The following ERI1 variants were observed in gnomAD, a reference collection of about 807,000 sequenced individuals.
ERI1 encodes exoribonuclease 1.
Under a neutral mutation model 39.7 loss-of-function variants are expected in ERI1, and 39 were observed. The ratio of observed to expected loss-of-function variants is 0.98; its 90% CI spans 0.76 to 1.28. ERI1 has a LOEUF of 1.28. Ranked by LOEUF, ERI1 falls within the 50% of genes most tolerant of loss-of-function variation. The pLI, the probability that ERI1 is intolerant of heterozygous loss-of-function variation, is 0.00. For synonymous variants in ERI1, 204 were observed against 149.6 expected (o/e 1.36, Z -2.65); for missense variants, 581 against 416.9 (o/e 1.39, Z -3.43).
At chr8:9,069,243 G>C (rs1451895079) in intron 3 of ERI1, among the ~76,000 whole-genome samples, 1 of 152,172 alleles carries the variant, frequency 6.6e-6, no homozygotes, top group African/African-American at 2.4e-5. Flanking sequence ...ATGTCTAGGA[G>C]GATCTTTTCA....
At chr8:9,026,020 G>T (rs938169923) in intron 6 of ERI1, among the ~76,000 whole-genome samples, 1 of 152,086 alleles carries the variant, frequency 6.6e-6, no homozygotes, top group South Asian at 2.1e-4. Flanking sequence ...TGGACAGTCT[G>T]GTTGTTTGGC....
At chr8:9,074,723 C>T (rs1799154535) in intron 3 of ERI1, among the ~76,000 whole-genome samples, 1 of 152,254 alleles carries the variant, frequency 6.6e-6, no homozygotes, top group South Asian at 2.1e-4. Flanking sequence ...GCGTGAGCCA[C>T]TGCGCCCAGC....
chr8:9,097,738 G>C (rs1799923119), intron 3 of ERI1, among the ~76,000 whole-genome samples: 1 of 147,524 alleles, frequency 6.8e-6, no homozygotes, highest in African/African-American at 2.5e-5. Flanking sequence ...AGAAAGAAAA[G>C]AAGAAAGAAG....
chr8:9,035,416 C>G (rs912566049), downstream of ERI1, among the ~76,000 whole-genome samples: 2 of 152,200 alleles, frequency 1.3e-5, no homozygotes, highest in Non-Finnish European at 2.9e-5. Flanking sequence ...GTTCATTAAC[C>G]ATTCTGAAAA....
chr8:9,086,987 C>T (rs1199172611), intron 3 of ERI1, among the ~76,000 whole-genome samples: 1 of 152,004 alleles, frequency 6.6e-6, no homozygotes, highest in Admixed American at 6.6e-5. Context: ...CGGTAGGATT[C>T]TGAGTAACTT....
At chr8:9,016,166 G>A (rs1817258435) in intron 3 of ERI1, among the ~76,000 whole-genome samples, 156 bp from the exon 4 acceptor site, 1 of 152,096 alleles carries the variant, frequency 6.6e-6, no homozygotes, top group East Asian at 1.9e-4. Context: ...AAAATTAAGA[G>A]TGCTTTCGAT....
At chr8:9,094,379 T>C (rs2117486921) in intron 3 of ERI1, among the ~76,000 whole-genome samples, 1 of 152,294 alleles carries the variant, frequency 6.6e-6, no homozygotes, top group South Asian at 2.1e-4. Context: ...AGCATTGATA[T>C]TTGCCTCGCA....
intron 3 of ERI1, among the ~76,000 whole-genome samples, chr8:9,047,509 TAA>T: frequency 7.0e-6 from 1 of 142,988 alleles, no homozygotes; most frequent in South Asian, 2.2e-4. Context: ...ACCCCATCTC[TAA>T]AAAAAAAAAA....
intron 3 of ERI1, among the ~76,000 whole-genome samples, chr8:9,095,136 G>A (rs1341718873): frequency 6.6e-6 from 1 of 152,192 alleles, no homozygotes; most frequent in Non-Finnish European, 1.5e-5. Flanking sequence ...TAAATGAGAT[G>A]CTGCATGAGA....
In ERI1 at chr8:9,025,867, C is replaced by G. The variant is rs76403553; in HGVS notation, c.808-3925C>G. Among the ~76,000 whole-genome samples the G allele has an allele frequency of 8.2e-3, 1,252 of 152,130 alleles. 18 individuals are homozygous for G. Among genetic ancestry groups the G allele is most frequent in the African/African-American group, 0.029 (1,198 of 41,498 alleles). On this transcript the variant is annotated intron_variant, in intron 6 of 6. Coordinates refer to ENST00000250263, the MANE Select transcript of ERI1 (RefSeq NM_153332.4). ...GAGATACCTTAGAGATAGGACCCAACTCTAAATATGAAATTCATTTTTGTT... is the reference window on the plus strand; with the variant it reads ...GAGATACCTTAGAGATAGGACCCAAGTCTAAATATGAAATTCATTTTTGTT...
At chr8:9,038,247 A>T (rs1038548825), downstream of ERI1, among the ~76,000 whole-genome samples, 1 of 152,174 alleles carries the variant, frequency 6.6e-6, no homozygotes, top group Admixed American at 6.5e-5. Flanking sequence ...ACAAGGTTTT[A>T]TTCTAATGTA....
At position 9,017,493 on chromosome 8, in the gene ERI1, G is replaced by A. The variant is rs55745362; in HGVS notation, c.583-804G>A. On this transcript the variant is annotated intron_variant, in intron 4 of 6. Coordinates refer to ENST00000250263, the MANE Select transcript of ERI1 (RefSeq NM_153332.4). The stretch of plus-strand genomic sequence containing the variant: ...TATATATCTTTATGTGTATATAGAC[G>A]TATGTCTGTGCAGTGGTCACAGTAG... Among the ~76,000 whole-genome samples the A allele has an allele frequency of 7.1e-3, 1,082 of 152,258 alleles. 7 individuals are homozygous for A. The highest frequency in any genetic ancestry group is 0.024 in the African/African-American group (992 of 41,536).
At chr8:9,082,551 C>T (rs1323466192) in intron 3 of ERI1, among the ~76,000 whole-genome samples, 1 of 152,118 alleles carries the variant, frequency 6.6e-6, no homozygotes, top group Non-Finnish European at 1.5e-5. Flanking sequence ...GATGCAACAG[C>T]AGGAATGATC....
At chr8:9,025,372 A>T (rs779650901) in intron 6 of ERI1, among the ~76,000 whole-genome samples, 1 of 152,228 alleles carries the variant, frequency 6.6e-6, no homozygotes, top group Non-Finnish European at 1.5e-5. Flanking sequence ...TGTCACTTGA[A>T]GTCAAACATT....
rs34111588 is a variant in ERI1, at chr8:9,030,056, A to G, written c.*22A>G. The G allele has an allele frequency of 0.14, 231,620 of 1,608,474 alleles. 17,802 individuals are homozygous for G. Among genetic ancestry groups the G allele is most frequent in the African/African-American group, 0.23 (17,455 of 74,858 alleles). On this transcript the variant is annotated 3_prime_UTR_variant, in exon 7 of 7. Transcript: ENST00000250263. ...GTAACAACAGTTTTGTGTGTGGATC[A>G]TTCCAATTGAAGTTGCTATGAAGAG... is the stretch of plus-strand genomic sequence containing the variant.
At chr8:9,071,458 G>A (rs561999426) in intron 3 of ERI1, among the ~76,000 whole-genome samples, 33 of 152,192 alleles carry the variant, frequency 2.2e-4, no homozygotes, top group Non-Finnish European at 4.6e-4. Context: ...CCAGCTCTAT[G>A]TGAAAAATTT....
At chr8:9,044,880 A>G (rs1056831841) in intron 3 of ERI1, among the ~76,000 whole-genome samples, 1 of 152,108 alleles carries the variant, frequency 6.6e-6, no homozygotes, top group African/African-American at 2.4e-5. Flanking sequence ...ACACTGAGCC[A>G]GATTTCACAT....
intron 3 of ERI1, among the ~76,000 whole-genome samples, chr8:9,081,157 T>C (rs1238888966): frequency 1.3e-5 from 2 of 152,158 alleles, no homozygotes; most frequent in Non-Finnish European, 2.9e-5. Context: ...AGAACCCACT[T>C]ACTATCATGA....
At chr8:9,073,820 T>C (rs1585285230) in intron 3 of ERI1, among the ~76,000 whole-genome samples, 1 of 152,206 alleles carries the variant, frequency 6.6e-6, no homozygotes, top group African/African-American at 2.4e-5. Context: ...TAGAATCCAG[T>C]ACACCTTCTG....
Sources: allele counts gnomAD v4.1 joint callset (sites outside exome capture counted in the v4.1 genomes callset), GRCh38; gene constraint gnomAD v4.1.1; transcripts MANE v1.5; gene names NCBI Gene and HGNC (gene_info 2026-07-23, HGNC 2026-07-21).